The following NUDT13 variants were observed in gnomAD, a reference collection of about 807,000 sequenced individuals.
NUDT13 encodes NAD(P)H pyrophosphatase NUDT13, mitochondrial.
A neutral mutation model predicts 41.7 loss-of-function variants in NUDT13; 40 were observed. The observed-to-expected ratio is 0.96, with a 90% CI of 0.75 to 1.25. The LOEUF is 1.25. NUDT13 is among the 50% of genes most tolerant of loss of function. NUDT13 has a pLI of 0.00. For synonymous variants in NUDT13, 145 were observed against 155.5 expected (o/e 0.93, Z 0.50); for missense variants, 390 against 416.1 (o/e 0.94, Z 0.55).
chr10:73,125,026 CTGTGAGT>C, intron 5 of NUDT13, 85 bp from the exon 6 acceptor site: 2 of 1,414,892 alleles, frequency 1.4e-6, no homozygotes, highest in Non-Finnish European at 1.9e-6. Context: ...TGGCATTTTT[CTGTGAGT>C]TGTTCCAGAC....
chr10:73,124,363 G>A (rs1405755146), intron 5 of NUDT13, 43 bp downstream of exon 5: 4 of 1,335,778 alleles, frequency 3.0e-6, no homozygotes, highest in Non-Finnish European at 4.3e-6. Flanking sequence ...TAGTAGAGCA[G>A]TAAGTGTGGG....
At position 73,114,359 on chromosome 10, in the gene NUDT13, C is replaced by CA; in HGVS notation, c.-7_-6insA. 6.8e-7 allele frequency: 1 copy of CA among 1,477,514 alleles called. No homozygotes were observed. The highest frequency in any genetic ancestry group is 9.2e-7 in the Non-Finnish European group (1 of 1,088,530). 91.5% of individuals were successfully genotyped at this position (1,477,514 alleles called of 1,614,324 possible). A position where few individuals can be genotyped will look rare whatever the true frequency, so the allele number is the denominator to read the frequency against. On this transcript the variant is annotated 5_prime_UTR_variant, in exon 2 of 9. Coordinates refer to ENST00000357321, the MANE Select transcript of NUDT13 (RefSeq NM_015901.6). ...AACTCCTTTTTTTTTTTTTTAAGGA[C>CA]CTGACAATGTCCCTGTATTGTGGAA... is the stretch of plus-strand genomic sequence containing the variant.
In NUDT13 at chr10:73,125,106, T is replaced by C. The variant is rs764306258; in HGVS notation, c.466-12T>C. ...TCTCCAAATGACACCAGGCCCATCA[T>C]TGTGTTCCTAGGCTCAAGCTCTTCT... is the stretch of plus-strand genomic sequence containing the variant. On this transcript the variant is annotated splice_polypyrimidine_tract_variant and intron_variant, in intron 5 of 8. Coordinates refer to ENST00000357321, the MANE Select transcript of NUDT13 (RefSeq NM_015901.6). The C allele has an allele frequency of 6.9e-6, 11 of 1,602,504 alleles. No homozygotes were observed. Among genetic ancestry groups the C allele is most frequent in the Admixed American group, 1.8e-5 (1 of 56,458 alleles).
In NUDT13 at chr10:73,110,511, T is replaced by A. The variant is rs1457374342; in HGVS notation, c.-66T>A. ...AGCCGTTGAACGTGAACATTTGGAG[T>A]TTCCTCTTTTGTGCTGATTCCTGAG... On this transcript the variant is annotated 5_prime_UTR_variant, in exon 1 of 9. Coordinates refer to ENST00000357321, the MANE Select transcript of NUDT13 (RefSeq NM_015901.6). 1 of 152,062 alleles carries A rather than the reference T, an allele frequency of 6.6e-6. No individual in the cohort carries two copies. The highest frequency in any genetic ancestry group is 1.5e-5 in the Non-Finnish European group (1 of 68,022). The allele number at this position is 152,062 out of a possible 1,614,324, so 9.4% of individuals were successfully genotyped here.
chr10:73,115,937 GT>G (rs1842496156), intron 2 of NUDT13, among the ~76,000 whole-genome samples: 1 of 152,188 alleles, frequency 6.6e-6, no homozygotes, highest in Non-Finnish European at 1.5e-5. Context: ...CTTTCATACA[GT>G]TTTGGGGGTT....
chr10:73,130,147 T>G (rs541334748), intron 8 of NUDT13: 2 of 151,504 alleles, frequency 1.3e-5, no homozygotes, highest in South Asian at 2.1e-4. Context: ...ATCTTATCTT[T>G]TTTTTTTTAC....
chr10:73,119,878 T>C (rs1842600720), intron 2 of NUDT13, 140 bp from the exon 3 acceptor site: 4 of 902,858 alleles, frequency 4.4e-6, no homozygotes, highest in Admixed American at 4.6e-5. Context: ...CAAACCCTTT[T>C]TGGAGCAAAT....
At chr10:73,122,652 G>C (rs912841088) in intron 4 of NUDT13, among the ~76,000 whole-genome samples, 2 of 151,078 alleles carry the variant, frequency 1.3e-5, no homozygotes, top group African/African-American at 4.9e-5. Flanking sequence ...GCTCACTGCA[G>C]CCTTGACCTC....
intron 4 of NUDT13, among the ~76,000 whole-genome samples, chr10:73,123,232 T>C (rs1364789113): frequency 6.6e-6 from 1 of 152,236 alleles, no homozygotes; most frequent in Non-Finnish European, 1.5e-5. Flanking sequence ...TCATAAGAAA[T>C]GTTAAAAAAC....
chr10:73,114,710 C>T (rs1211206986), intron 2 of NUDT13, among the ~76,000 whole-genome samples: 1 of 151,706 alleles, frequency 6.6e-6, no homozygotes, highest in Non-Finnish European at 1.5e-5. Flanking sequence ...ACCTCAGGGG[C>T]AGGCCTCAGG....
intron 5 of NUDT13, chr10:73,124,864 C>T: frequency 2.8e-6 from 1 of 358,452 alleles, no homozygotes; most frequent in Non-Finnish European, 5.0e-6. Flanking sequence ...CATTTTATTA[C>T]CTCATATACT....
chr10:73,113,285 C>T (rs1011875612), intron 1 of NUDT13, among the ~76,000 whole-genome samples: 1 of 152,180 alleles, frequency 6.6e-6, no homozygotes, highest in Non-Finnish European at 1.5e-5. Context: ...AATTCCTAAA[C>T]ATGGAATTGC....
At position 73,116,876 on chromosome 10, in the gene NUDT13, A is replaced by ATTTTTTTTTTTTTTTTTTTT. The variant is rs56229464; in HGVS notation, c.83+2437_83+2456dup. On this transcript the variant is annotated intron_variant, in intron 2 of 8. Coordinates refer to ENST00000357321, the MANE Select transcript of NUDT13 (RefSeq NM_015901.6). ...TGTACTCCTTTAACAGACTACAAGA[A>ATTTTTTTTTTTTTTTTTTTT]TTTTTTTTTTTTTTTTTTTTTTTTT... is the stretch of plus-strand genomic sequence containing the variant. 1.5e-4 allele frequency among the ~76,000 whole-genome samples: 12 copies of ATTTTTTTTTTTTTTTTTTTT among 81,868 alleles called. 1 individual carries two copies. Among genetic ancestry groups the ATTTTTTTTTTTTTTTTTTTT allele is most frequent in the African/African-American group, 5.4e-4 (11 of 20,458 alleles). 53.7% of individuals were successfully genotyped at this position (81,868 alleles called of 152,430 possible).
rs538430441 is a variant in NUDT13 at position 73,122,029 on chromosome 10, TTACA to T, written c.224-143_224-140del. On this transcript the variant is annotated intron_variant, in intron 3 of 8. Transcript: ENST00000357321. ...GAGAGGTTAAATGGTTAGACCAAGG[TTACA>T]TAGCTAATTAGCTGCAGTTGGAAGC... is the stretch of plus-strand genomic sequence containing the variant. 2.6e-4 allele frequency: 215 copies of T among 839,936 alleles called. 3 individuals are homozygous for T. In the South Asian group the frequency reaches 2.9e-3, roughly 11 times the overall value. 52.0% of individuals were successfully genotyped at this position (839,936 alleles called of 1,614,324 possible).
rs150107296 is a variant in NUDT13 at position 73,125,624 on chromosome 10, A to G, written c.703+115A>G. On this transcript the variant is annotated intron_variant, in intron 7 of 8. Coordinates refer to ENST00000357321, the MANE Select transcript of NUDT13 (RefSeq NM_015901.6). ...ATTCCCAAGCACATTCTTTTCTATC[A>G]TGTCAAGAAAACTGCTTTCTGGCAT... 7.3e-4 allele frequency: 322 copies of G among 438,618 alleles called. 1 individual carries two copies. Among genetic ancestry groups the G allele is most frequent in the African/African-American group, 6.0e-3 (273 of 45,160 alleles). The allele number at this position is 438,618 out of a possible 1,614,324, so 27.2% of individuals were successfully genotyped here. A position where few individuals can be genotyped will look rare whatever the true frequency, so the allele number is the denominator to read the frequency against.
At chr10:73,130,357 G>A (rs1842887339) in intron 8 of NUDT13, 1 of 152,744 alleles carries the variant, frequency 6.5e-6, no homozygotes, top group African/African-American at 2.4e-5. Context: ...CAGCTACTCA[G>A]GAGGCTGAGG....
At chr10:73,123,083 A>G (rs185210889) in intron 4 of NUDT13, among the ~76,000 whole-genome samples, 111 of 150,452 alleles carry the variant, frequency 7.4e-4, no homozygotes, top group Non-Finnish European at 9.9e-4. Flanking sequence ...TATTTTTAGT[A>G]GAGACGGGGT....
At chr10:73,127,019 G>A (rs550077747) in intron 8 of NUDT13, among the ~76,000 whole-genome samples, 192 bp downstream of exon 8, 15 of 152,268 alleles carry the variant, frequency 9.9e-5, no homozygotes, top group East Asian at 1.9e-4. Context: ...TGATGTGGGC[G>A]GATCACTTGA....
At chr10:73,125,651 TTA>T (rs57047791) in intron 7 of NUDT13, 142 bp downstream of exon 7, 13,004 of 195,844 alleles carry the variant, frequency 0.066, 1,845 homozygotes, top group African/African-American at 0.31. Context: ...TTCTGGCATT[TTA>T]TATATATATA....
Sources: gnomAD v4.1 joint callset for allele counts (sites outside exome capture counted in the v4.1 genomes callset) on GRCh38, gnomAD v4.1.1 for gene constraint, MANE v1.5 for transcripts, NCBI Gene and HGNC (gene_info 2026-07-23, HGNC 2026-07-21) for gene names.